TSPAN14: variants seen among roughly 807,000 people sequenced by gnomAD.
TSPAN14 encodes the protein tetraspanin 14.
A neutral mutation model predicts 36.6 loss-of-function variants in TSPAN14; 16 were observed. The ratio of observed to expected loss-of-function variants is 0.44; its 90% confidence interval spans 0.30 to 0.66. The LOEUF is 0.66. Ranked by LOEUF, TSPAN14 falls within the 30% of genes least tolerant of loss-of-function variation. The pLI is 0.12. For missense variants in TSPAN14, 231 were observed against 355.1 expected (o/e 0.65, Z 2.81); for synonymous variants, 139 against 143.8 (o/e 0.97, Z 0.24).
At chr10:80,454,686 C>T (rs1032169748) in intron 1 of TSPAN14, among the ~76,000 whole-genome samples, 21 of 152,154 alleles carry the variant, frequency 1.4e-4, no homozygotes, top group African/African-American at 5.1e-4. Context: ...TCAGCGCGCC[C>T]CGGCGAGTGC....
At chr10:80,477,453 A>T (rs1846982745) in intron 1 of TSPAN14, among the ~76,000 whole-genome samples, 1 of 152,190 alleles carries the variant, frequency 6.6e-6, no homozygotes, top group African/African-American at 2.4e-5. Flanking sequence ...AGATAAAGGG[A>T]GTTGTAAAAA....
intron 1 of TSPAN14, among the ~76,000 whole-genome samples, chr10:80,460,287 T>TG (rs1845907557): frequency 6.6e-6 from 1 of 152,076 alleles, no homozygotes; most frequent in Admixed American, 6.5e-5. Context: ...CAGGCCAGGG[T>TG]GATCAGGTTT....
At chr10:80,519,071 C>G (rs1040565329) in exon 9 of TSPAN14, 2 of 152,766 alleles carry the variant, frequency 1.3e-5, no homozygotes. Context: ...GCCCAGGGAG[C>G]CCCAGCCCAA....
chr10:80,512,062 C>T, intron 5 of TSPAN14, 82 bp from the exon 6 acceptor site: 1 of 1,587,086 alleles, frequency 6.3e-7, no homozygotes, highest in Non-Finnish European at 8.6e-7. Flanking sequence ...CTTAGCCTGG[C>T]ATCACTATGA....
rs1315987664 is a variant in TSPAN14, at chr10:80,514,701, A to ACTGTCCTCCTTTAGGGAC, written c.621+642_621+659dup. ...GGGATGTGTCCCTACAGCTTGGGGAACTGTCCTCCTTTAGGGACCTGCATT... is the reference window on the plus strand; with the variant it reads ...GGGATGTGTCCCTACAGCTTGGGGAACTGTCCTCCTTTAGGGACCTGTCCTCCTTTAGGGACCTGCATT... On this transcript the variant is annotated intron_variant, in intron 7 of 8. Coordinates refer to ENST00000429989, the Ensembl canonical transcript of TSPAN14. Among the ~76,000 whole-genome samples, 123 of 152,272 alleles carry ACTGTCCTCCTTTAGGGAC rather than the reference A, an allele frequency of 8.1e-4. 2 individuals are homozygous for ACTGTCCTCCTTTAGGGAC. Among genetic ancestry groups the ACTGTCCTCCTTTAGGGAC allele is most frequent in the African/African-American group, 2.9e-3 (120 of 41,536 alleles).
intron 1 of TSPAN14, among the ~76,000 whole-genome samples, chr10:80,458,575 G>A (rs1275858188): frequency 6.6e-6 from 1 of 152,188 alleles, no homozygotes; most frequent in Non-Finnish European, 1.5e-5. Context: ...GTGGTCTCCA[G>A]CAGTGGTCTC....
chr10:80,512,871 TTTGTTGTTGTTG>T (rs147443704), intron 6 of TSPAN14, among the ~76,000 whole-genome samples: 101,604 of 150,276 alleles, frequency 0.68, 34,903 homozygotes, highest in East Asian at 0.85. Flanking sequence ...TTATTTTCTG[TTTGTTGTTGTTG>T]TTGTTGTTGT....
At chr10:80,518,093 T>A in exon 9 of TSPAN14, 4 of 1,088,332 alleles carry the variant, frequency 3.7e-6, no homozygotes, top group East Asian at 2.6e-5. Flanking sequence ...TGCCCCATCT[T>A]AAGCATCAGC....
Position 80,516,373 on chromosome 10 carries a change from G to T in TSPAN14, c.741+50G>T, listed in dbSNP as rs993020865. 3 of 1,612,370 alleles carry T rather than the reference G, an allele frequency of 1.9e-6. No individual in the cohort carries two copies. The African/African-American group carries it at 4.0e-5, about 22-fold the overall frequency. On this transcript the variant is annotated intron_variant, in intron 8 of 8. Transcript: ENST00000429989. ...TGGCAGGTGGCCTTTTTTCATTTGA[G>T]ATTGGGCCCTTAACATAGAGTGCAT...
chr10:80,496,006 T>C lies in TSPAN14; in HGVS notation c.81+6692T>C, dbSNP rs1589278486. 2.0e-5 allele frequency among the ~76,000 whole-genome samples: 3 copies of C among 152,348 alleles called. No homozygotes were observed. In the East Asian group the frequency reaches 5.8e-4, roughly 29 times the overall value. On this transcript the variant is annotated intron_variant, in intron 2 of 8. Coordinates refer to ENST00000429989, the Ensembl canonical transcript of TSPAN14. ...TAAACTCTTTGGTATCTGACTTTTT[T>C]TTAGTTAGGTGGTAGTGTCTCTGTT...
intron 1 of TSPAN14, among the ~76,000 whole-genome samples, chr10:80,480,608 T>A (rs1322072171): frequency 6.6e-6 from 1 of 152,124 alleles, no homozygotes; most frequent in Non-Finnish European, 1.5e-5. Flanking sequence ...CCATAAAAAA[T>A]GATGAGTTCA....
At chr10:80,500,452 C>T (rs1041224856) in intron 2 of TSPAN14, among the ~76,000 whole-genome samples, 1 of 149,546 alleles carries the variant, frequency 6.7e-6, no homozygotes, top group Non-Finnish European at 1.5e-5. Context: ...GCCTCAGCCT[C>T]CTGAGTAGCT....
chr10:80,471,139 G>T (rs1182483274), intron 1 of TSPAN14, among the ~76,000 whole-genome samples: 1 of 151,712 alleles, frequency 6.6e-6, no homozygotes, highest in South Asian at 2.1e-4. Context: ...CATGTTCTGA[G>T]TTCCCTGAGT....
chr10:80,488,272 G>A (rs1847736621), intron 1 of TSPAN14, among the ~76,000 whole-genome samples: 1 of 152,164 alleles, frequency 6.6e-6, no homozygotes, highest in Admixed American at 6.5e-5. Context: ...AGGACTTCGG[G>A]GTCCACCTGG....
At chr10:80,465,018 C>T (rs1161177835) in intron 1 of TSPAN14, among the ~76,000 whole-genome samples, 1 of 152,142 alleles carries the variant, frequency 6.6e-6, no homozygotes, top group Non-Finnish European at 1.5e-5. Context: ...TTCTCAGATT[C>T]TAGTTTCTGC....
In TSPAN14 at chr10:80,473,208, C is replaced by T. The variant is rs377429697; in HGVS notation, c.-17-16009C>T. On this transcript the variant is annotated intron_variant, in intron 1 of 8. Coordinates refer to ENST00000429989, the Ensembl canonical transcript of TSPAN14. ...CCCAGTGCTTCTCCCACTGAGGACTCCCCTGACTCAAATCCACCCACTCTG... is the reference window on the plus strand; with the variant it reads ...CCCAGTGCTTCTCCCACTGAGGACTTCCCTGACTCAAATCCACCCACTCTG... Among the ~76,000 whole-genome samples the T allele has an allele frequency of 2.6e-4, 39 of 152,300 alleles. No homozygotes were observed. The Middle Eastern group carries it at 0.01, about 40-fold the overall frequency.
chr10:80,475,881 G>T (rs148674185), intron 1 of TSPAN14, among the ~76,000 whole-genome samples: 1 of 151,962 alleles, frequency 6.6e-6, no homozygotes, highest in African/African-American at 2.4e-5. Flanking sequence ...CGTGGTGCCC[G>T]GCCTCCCCAT....
At position 80,492,613 on chromosome 10, in the gene TSPAN14, A is replaced by G. The variant is rs547536376; in HGVS notation, c.81+3299A>G. Among the ~76,000 whole-genome samples the G allele has an allele frequency of 4.7e-4, 71 of 152,228 alleles. 1 individual carries two copies. The highest frequency in any genetic ancestry group is 3.4e-3 in the Middle Eastern group (1 of 294). On this transcript the variant is annotated intron_variant, in intron 2 of 8. Transcript: ENST00000429989. ...AGGCGGATCACGAGGTCAGGAGATC[A>G]AGACCATCCTGGCTAACACGGTGAA...
chr10:80,519,731 G>GAAGGGATAGGGT (rs1841155464), exon 9 of TSPAN14: 1 of 152,280 alleles, frequency 6.6e-6, no homozygotes, highest in Admixed American at 6.6e-5. Context: ...AGGGTATGTA[G>GAAGGGATAGGGT]ACCTTACAGA....
Sources: gnomAD v4.1 joint callset for allele counts (sites outside exome capture counted in the v4.1 genomes callset) on GRCh38, gnomAD v4.1.1 for gene constraint, MANE v1.5 for transcripts, NCBI Gene and HGNC (gene_info 2026-07-23, HGNC 2026-07-21) for gene names.